Variants in SLC14A2 observed in about 807,000 individuals in gnomAD.
The protein encoded by SLC14A2 is solute carrier family 14 member 2.
A neutral mutation model predicts 104.6 loss-of-function variants in SLC14A2; 91 were observed. The ratio of observed to expected loss-of-function variants is 0.87; its 90% CI spans 0.73 to 1.04. SLC14A2 has a LOEUF of 1.04. Among genes scored for constraint, SLC14A2 ranks in the 50% least tolerant of loss-of-function variants. The pLI is 0.00. For synonymous variants in SLC14A2, 476 were observed against 466.4 expected (o/e 1.02, Z -0.27); for missense variants, 1,189 against 1,156.0 (o/e 1.03, Z -0.41).
chr18:45,282,202 G>A (rs1235341329), intron 1 of SLC14A2, among the ~76,000 whole-genome samples: 1 of 152,154 alleles, frequency 6.6e-6, no homozygotes, highest in African/African-American at 2.4e-5. Flanking sequence ...CTTCAGAAGA[G>A]AAGTCCATCA....
At chr18:45,242,062 A>C (rs2084323595) in intron 1 of SLC14A2, among the ~76,000 whole-genome samples, 1 of 152,120 alleles carries the variant, frequency 6.6e-6, no homozygotes, top group Non-Finnish European at 1.5e-5. Flanking sequence ...GTTTCAGAGC[A>C]CTTTACTGCA....
At chr18:45,405,210 A>T (rs1246312263) in intron 1 of SLC14A2, among the ~76,000 whole-genome samples, 1 of 152,196 alleles carries the variant, frequency 6.6e-6, no homozygotes, top group Non-Finnish European at 1.5e-5. Flanking sequence ...CAGCTCCAAG[A>T]ACAAAAGACA....
chr18:45,629,877 T>G (rs769831795), intron 4 of SLC14A2, among the ~76,000 whole-genome samples: 1 of 152,218 alleles, frequency 6.6e-6, no homozygotes, highest in Non-Finnish European at 1.5e-5. Flanking sequence ...CTACAGTACC[T>G]AGTGCTCAAT....
intron 2 of SLC14A2, among the ~76,000 whole-genome samples, chr18:45,597,111 A>G (rs2044727361): frequency 6.6e-6 from 1 of 152,220 alleles, no homozygotes; most frequent in South Asian, 2.1e-4. Flanking sequence ...TGAGGTCAGG[A>G]GTTCGAGACC....
chr18:45,441,248 G>A (rs1232449813), intron 1 of SLC14A2, among the ~76,000 whole-genome samples: 1 of 152,164 alleles, frequency 6.6e-6, no homozygotes, highest in Non-Finnish European at 1.5e-5. Flanking sequence ...CTTGGGAAAT[G>A]CTAAGAAATG....
intron 2 of SLC14A2, among the ~76,000 whole-genome samples, chr18:45,579,294 C>T (rs1037599938): frequency 6.6e-6 from 1 of 152,152 alleles, no homozygotes; most frequent in African/African-American, 2.4e-5. Flanking sequence ...ACCATTTTTG[C>T]AGTCTGTCAT....
chr18:45,423,564 G>C (rs1294020569), intron 1 of SLC14A2, among the ~76,000 whole-genome samples: 2 of 152,112 alleles, frequency 1.3e-5, no homozygotes, highest in African/African-American at 4.8e-5. Context: ...CTATTTTATG[G>C]GTGAAGACAA....
At chr18:45,270,859 A>G (rs1289433546) in intron 1 of SLC14A2, among the ~76,000 whole-genome samples, 2 of 152,192 alleles carry the variant, frequency 1.3e-5, no homozygotes, top group Non-Finnish European at 2.9e-5. Flanking sequence ...GCCTAAGTCT[A>G]CAACTAGATC....
At chr18:45,597,395 A>G (rs2044730587) in intron 2 of SLC14A2, among the ~76,000 whole-genome samples, 1 of 152,218 alleles carries the variant, frequency 6.6e-6, no homozygotes, top group Non-Finnish European at 1.5e-5. Flanking sequence ...TTATCCACCC[A>G]TTCAGTAAAT....
intron 2 of SLC14A2, among the ~76,000 whole-genome samples, chr18:45,501,713 G>A (rs1297084649): frequency 6.6e-6 from 1 of 152,228 alleles, no homozygotes; most frequent in African/African-American, 2.4e-5. Context: ...AGGACTGGAA[G>A]TGACAAGGGA....
intron 1 of SLC14A2, among the ~76,000 whole-genome samples, chr18:45,299,259 C>T (rs2084944739): frequency 6.6e-6 from 1 of 152,178 alleles, no homozygotes; most frequent in African/African-American, 2.4e-5. Flanking sequence ...CAGCATCCTG[C>T]ACATTAGCAA....
At chr18:45,361,374 C>T (rs2085609242) in intron 1 of SLC14A2, among the ~76,000 whole-genome samples, 1 of 152,182 alleles carries the variant, frequency 6.6e-6, no homozygotes, top group Non-Finnish European at 1.5e-5. Flanking sequence ...CAGGGCTTGG[C>T]AGCCCATGGA....
At chr18:45,418,857 T>C (rs1181164913) in intron 1 of SLC14A2, among the ~76,000 whole-genome samples, 3 of 152,128 alleles carry the variant, frequency 2.0e-5, no homozygotes, top group Non-Finnish European at 2.9e-5. Flanking sequence ...AAAAAAGGCA[T>C]CTCCATTTTG....
chr18:45,416,250 C>CTTT (rs574818783), intron 1 of SLC14A2, among the ~76,000 whole-genome samples: 5 of 125,230 alleles, frequency 4.0e-5, no homozygotes, highest in African/African-American at 1.2e-4. Flanking sequence ...TTTTTGTTTC[C>CTTT]TTTTTTTTTT....
intron 1 of SLC14A2, among the ~76,000 whole-genome samples, chr18:45,286,899 T>C (rs187968854): frequency 6.6e-6 from 1 of 152,340 alleles, no homozygotes; most frequent in Admixed American, 6.5e-5. Context: ...GTGATAGATT[T>C]ATGTTCATAC....
At chr18:45,213,668 T>C (rs1424172034) in intron 1 of SLC14A2, among the ~76,000 whole-genome samples, 2 of 152,242 alleles carry the variant, frequency 1.3e-5, no homozygotes, top group African/African-American at 4.8e-5. Context: ...TGTACTGGTT[T>C]AAATCTTATT....
At chr18:45,604,963 G>A (rs1333345635) in intron 2 of SLC14A2, among the ~76,000 whole-genome samples, 3 of 152,156 alleles carry the variant, frequency 2.0e-5, no homozygotes, top group Non-Finnish European at 4.4e-5. Context: ...GCTTCTATTA[G>A]TCTTCTTTGC....
At chr18:45,171,365 G>A in the SLC14A2 span, among the ~76,000 whole-genome samples, 2 of 151,962 alleles carry the variant, frequency 1.3e-5, no homozygotes, top group South Asian at 4.2e-4. Flanking sequence ...AAAGGAAGGT[G>A]TATAATGTTT....
chr18:45,244,533 G>C (rs192417123), intron 1 of SLC14A2, among the ~76,000 whole-genome samples: 12 of 152,246 alleles, frequency 7.9e-5, no homozygotes, highest in Admixed American at 7.8e-4. Flanking sequence ...GGCTGAGGCA[G>C]GAGAATCACT....
Sources: allele counts gnomAD v4.1 joint callset (sites outside exome capture counted in the v4.1 genomes callset), GRCh38; gene constraint gnomAD v4.1.1; transcripts MANE v1.5; gene names NCBI Gene and HGNC (gene_info 2026-07-23, HGNC 2026-07-21).